Variants in DPP10 observed in about 807,000 individuals in gnomAD.
DPP10 encodes the protein inactive dipeptidyl peptidase 10.
A neutral mutation model predicts 120.9 loss-of-function variants in DPP10; 33 were observed. The observed-to-expected ratio is 0.27, with a 90% CI of 0.21 to 0.37. DPP10 has a LOEUF of 0.37. DPP10 is among the 10% of genes least tolerant of loss of function. The probability of loss-of-function intolerance (pLI) is 1.00; values close to 1 mark genes in which losing one functional copy is unlikely to be tolerated. For missense variants in DPP10, 816 were observed against 942.8 expected (o/e 0.87, Z 1.76); for synonymous variants, 337 against 326.1 (o/e 1.03, Z -0.36).
chr2:114,973,818 A>G (rs1463646249), intron 1 of DPP10, among the ~76,000 whole-genome samples: 16 of 152,038 alleles, frequency 1.1e-4, no homozygotes. Flanking sequence ...GCAGCAGAAG[A>G]CCGTGATGTT....
chr2:114,525,472 A>G (rs1685424208), intron 1 of DPP10, among the ~76,000 whole-genome samples: 1 of 152,214 alleles, frequency 6.6e-6, no homozygotes, highest in Non-Finnish European at 1.5e-5. Flanking sequence ...CATAAAAAGC[A>G]TGGAGCTAAG....
intron 19 of DPP10, among the ~76,000 whole-genome samples, chr2:115,804,790 A>C (rs1685717926): frequency 6.6e-6 from 1 of 152,110 alleles, no homozygotes; most frequent in Non-Finnish European, 1.5e-5. Context: ...GTTCCTCTGG[A>C]AGTTTTGTCT....
chr2:114,878,763 T>A (rs1691363908), intron 1 of DPP10, among the ~76,000 whole-genome samples: 1 of 152,136 alleles, frequency 6.6e-6, no homozygotes, highest in Admixed American at 6.6e-5. Context: ...TGAAAGGATT[T>A]CATTCTTTTT....
chr2:115,056,860 C>A (rs1705962425), intron 1 of DPP10, among the ~76,000 whole-genome samples: 1 of 152,180 alleles, frequency 6.6e-6, no homozygotes, highest in African/African-American at 2.4e-5. Flanking sequence ...CAACCCTGCT[C>A]TTTTACCTGC....
At chr2:115,760,333 G>A (rs1020746813) in intron 11 of DPP10, among the ~76,000 whole-genome samples, 11 of 152,174 alleles carry the variant, frequency 7.2e-5, no homozygotes, top group Admixed American at 3.9e-4. Context: ...TAATAGGTAT[G>A]TAATGCATGA....
At position 115,844,121 on chromosome 2, in the gene DPP10, A is replaced by T. The variant is rs1350316857; in HGVS notation, c.*1776A>T. 6.6e-6 allele frequency: 1 copy of T among 152,600 alleles called. No homozygotes were observed. Among genetic ancestry groups the T allele is most frequent in the East Asian group, 1.9e-4 (1 of 5,190 alleles). 9.5% of individuals were successfully genotyped at this position (152,600 alleles called of 1,614,324 possible). On this transcript the variant is annotated 3_prime_UTR_variant, in exon 26 of 26. Coordinates refer to ENST00000410059, the MANE Select transcript of DPP10 (RefSeq NM_020868.6). ...GATCCATTTTAGGTCTTTTTCAAGA[A>T]TAGTGAACACATTTTTTAACAAAAT...
At chr2:114,915,388 C>T (rs1230001796) in intron 1 of DPP10, among the ~76,000 whole-genome samples, 1 of 152,160 alleles carries the variant, frequency 6.6e-6, no homozygotes, top group African/African-American at 2.4e-5. Flanking sequence ...TAGTTAACTA[C>T]ACTGTAACAG....
At chr2:115,400,880 G>A (rs1440083629) in intron 3 of DPP10, among the ~76,000 whole-genome samples, 3 of 152,212 alleles carry the variant, frequency 2.0e-5, no homozygotes, top group African/African-American at 7.2e-5. Context: ...AAAACCAACA[G>A]TTTCGAGGCT....
At chr2:115,272,627 C>T (rs1044599448) in intron 1 of DPP10, among the ~76,000 whole-genome samples, 5 of 152,212 alleles carry the variant, frequency 3.3e-5, no homozygotes, top group African/African-American at 7.2e-5. Flanking sequence ...AGTTATTCCA[C>T]GTCTCCTTCT....
chr2:114,526,772 C>T (rs1685535767), intron 1 of DPP10, among the ~76,000 whole-genome samples: 1 of 152,088 alleles, frequency 6.6e-6, no homozygotes, highest in South Asian at 2.1e-4. Flanking sequence ...AGTCTCTACC[C>T]TCATTACCTA....
At chr2:114,919,520 A>AT (rs1695043075) in intron 1 of DPP10, among the ~76,000 whole-genome samples, 2 of 152,284 alleles carry the variant, frequency 1.3e-5, no homozygotes, top group East Asian at 1.9e-4. Flanking sequence ...TATTTTTTAA[A>AT]TTTTTTTCAT....
chr2:115,032,616 C>T (rs919883515), intron 1 of DPP10, among the ~76,000 whole-genome samples: 24 of 151,982 alleles, frequency 1.6e-4, no homozygotes, highest in Admixed American at 6.6e-4. Flanking sequence ...TGTGGTGGCT[C>T]ACTCCTGTAA....
chr2:115,827,412 GTGTATATATATATATATATATATA>G (rs1219446572), intron 21 of DPP10, among the ~76,000 whole-genome samples: 7 of 81,936 alleles, frequency 8.5e-5, no homozygotes, highest in Admixed American at 1.5e-4. Context: ...GTATGTGTGT[GTGTATATATATATATATATATATA>G]TATATATATA....
At chr2:115,383,601 T>C (rs192276442) in intron 3 of DPP10, among the ~76,000 whole-genome samples, 3 of 152,330 alleles carry the variant, frequency 2.0e-5, no homozygotes, top group Admixed American at 6.5e-5. Flanking sequence ...CTAGTCTTCC[T>C]GAGAAATGTC....
At chr2:115,060,998 C>T (rs975663212) in intron 1 of DPP10, among the ~76,000 whole-genome samples, 3 of 152,146 alleles carry the variant, frequency 2.0e-5, no homozygotes, top group Non-Finnish European at 2.9e-5. Flanking sequence ...ATTTGAAAAT[C>T]CTTGTAATGC....
intron 1 of DPP10, among the ~76,000 whole-genome samples, chr2:114,449,163 C>T (rs1035684990): frequency 2.0e-5 from 3 of 152,116 alleles, no homozygotes; most frequent in African/African-American, 7.2e-5. Context: ...TCCCTTCTTG[C>T]CAGCTGTATC....
chr2:115,776,118 A>G (rs1327326478), intron 13 of DPP10, among the ~76,000 whole-genome samples: 4 of 152,148 alleles, frequency 2.6e-5, no homozygotes, highest in African/African-American at 7.2e-5. Flanking sequence ...GCTTGAGTAT[A>G]CACAACACTA....
At chr2:115,479,449 G>A (rs193295133) in intron 3 of DPP10, among the ~76,000 whole-genome samples, 7 of 152,208 alleles carry the variant, frequency 4.6e-5, no homozygotes, top group African/African-American at 7.2e-5. Context: ...CAGATTTTCA[G>A]TTTTGCAAGA....
intron 1 of DPP10, among the ~76,000 whole-genome samples, chr2:115,103,810 T>C (rs2048815890): frequency 6.6e-6 from 1 of 152,186 alleles, no homozygotes; most frequent in Non-Finnish European, 1.5e-5. Context: ...ATGAATAAAT[T>C]AGTTTGCTTT....
Sources: allele counts gnomAD v4.1 joint callset (sites outside exome capture counted in the v4.1 genomes callset), GRCh38; gene constraint gnomAD v4.1.1; transcripts MANE v1.5; gene names NCBI Gene and HGNC (gene_info 2026-07-23, HGNC 2026-07-21).